MIER2: variants seen among roughly 807,000 people sequenced by gnomAD.
MIER2 encodes mesoderm induction early response protein 2.
MIER2 carries 30 observed loss-of-function variants against 67.6 expected under a neutral mutation model. The ratio of observed to expected loss-of-function variants is 0.44; its 90% CI spans 0.33 to 0.60. The LOEUF (loss-of-function observed/expected upper bound fraction) is 0.60, where lower values mean the gene tolerates loss of function less well. Among genes scored for constraint, MIER2 ranks in the 20% least tolerant of loss-of-function variants. MIER2 has a pLI of 0.02. For missense variants in MIER2, 702 were observed against 745.1 expected, an observed-to-expected ratio of 0.94 and a Z score of 0.67; for synonymous variants, 372 against 312.6, an observed-to-expected ratio of 1.19 and a Z score of -2.00.
Position 344,646 on chromosome 19 carries a change from C to T in MIER2, c.9+128G>A, listed in dbSNP as rs1265284055. On this transcript the variant is annotated intron_variant, in intron 1 of 13. Transcript: ENST00000264819. ...CTCCGGCCCCGGACGGGCCAGGCGC[C>T]CCGGCCGGCCTCAGAGCTCCAGAGC... The T allele has an allele frequency of 1.0e-5, 6 of 578,856 alleles. No individual in the cohort carries two copies. The South Asian group carries it at 4.6e-4, about 44-fold the overall frequency. The allele number at this position is 578,856 out of a possible 1,614,324, so 35.9% of individuals were successfully genotyped here. A position where few individuals can be genotyped will look rare whatever the true frequency, so the allele number is the denominator to read the frequency against.
chr19:318,368 G>C (rs147040989), intron 7 of MIER2, among the ~76,000 whole-genome samples: 6 of 152,272 alleles, frequency 3.9e-5, no homozygotes, highest in African/African-American at 1.4e-4. Flanking sequence ...ACTACAGAGA[G>C]ACACGTCACA....
intron 10 of MIER2, 141 bp downstream of exon 10, chr19:311,704 A>T (rs1453829558): frequency 1.4e-6 from 1 of 716,028 alleles, no homozygotes; most frequent in Non-Finnish European, 2.3e-6. Context: ...TGCAGAAGAC[A>T]GCAATGGGCA....
At chr19:328,128 T>C in intron 3 of MIER2, 139 bp from the exon 4 acceptor site, 1 of 1,195,336 alleles carries the variant, frequency 8.4e-7, no homozygotes, top group Non-Finnish European at 1.1e-6. Flanking sequence ...ATGGCAGCAC[T>C]CCCCAGCCAG....
At chr19:321,656 T>C (rs1303173183) in intron 7 of MIER2, among the ~76,000 whole-genome samples, 1 of 151,894 alleles carries the variant, frequency 6.6e-6, no homozygotes, top group Non-Finnish European at 1.5e-5. Flanking sequence ...AAAAAAAAGA[T>C]TAAAACTTGT....
chr19:327,331 G>A, intron 4 of MIER2, 75 bp from the exon 5 acceptor site: 1 of 1,509,640 alleles, frequency 6.6e-7, no homozygotes, highest in African/African-American at 1.4e-5. Flanking sequence ...GATAACAACA[G>A]TAAAGACACT....
chr19:334,887 C>T (rs1972171261), intron 2 of MIER2, among the ~76,000 whole-genome samples: 1 of 152,188 alleles, frequency 6.6e-6, no homozygotes, highest in Non-Finnish European at 1.5e-5. Context: ...AGCAGCAGGA[C>T]TCAGTCGAGG....
intron 1 of MIER2, 29 bp from the exon 2 acceptor site, chr19:336,202 C>T (rs946721760): frequency 4.4e-6 from 7 of 1,592,320 alleles, no homozygotes; most frequent in Admixed American, 3.4e-5. Flanking sequence ...AGGGTTAGCT[C>T]GGCCGGCCCA....
At chr19:326,388 G>C (rs1479137623) in intron 6 of MIER2, 119 bp downstream of exon 6, 15 of 855,310 alleles carry the variant, frequency 1.8e-5, no homozygotes, top group Non-Finnish European at 3.0e-5. Flanking sequence ...GGACACGGCA[G>C]AGCCACGGCC....
rs750922925 is a variant in MIER2, at chr19:325,698, TGATCTCCTGCAA to T, written c.586-6_591del. 1 of 1,614,040 alleles carries T rather than the reference TGATCTCCTGCAA, an allele frequency of 6.2e-7. No individual in the cohort carries two copies. The highest frequency in any genetic ancestry group is 8.5e-7 in the Non-Finnish European group (1 of 1,180,030). ...TCAGCTTGGAACTGAGGTCCCACCA[TGATCTCCTGCAA>T]AGCAAGCACCTGGGAATCAGGACAC... On this transcript the variant is annotated splice_acceptor_variant and splice_polypyrimidine_tract_variant and coding_sequence_variant and intron_variant, in exon 7 of 14. Transcript: ENST00000264819. LOFTEE classifies it high-confidence loss of function.
Position 316,446 on chromosome 19 carries a change from C to T in MIER2, c.656-2803G>A, listed in dbSNP as rs368124697. ...TAGCTGGGACTACAGGTGCCCACCACGCCTGGCTAATTTTTGTATTTTTAG... is the reference window on the plus strand; with the variant it reads ...TAGCTGGGACTACAGGTGCCCACCATGCCTGGCTAATTTTTGTATTTTTAG... On this transcript the variant is annotated intron_variant, in intron 7 of 13. Coordinates refer to ENST00000264819, the MANE Select transcript of MIER2 (RefSeq NM_017550.3). 5.0e-3 allele frequency among the ~76,000 whole-genome samples: 758 copies of T among 152,172 alleles called. 4 individuals carry two copies. The highest frequency in any genetic ancestry group is 0.014 in the Middle Eastern group (4 of 294).
intron 3 of MIER2, among the ~76,000 whole-genome samples, chr19:332,264 A>G (rs1972061939): frequency 6.6e-6 from 1 of 151,860 alleles, no homozygotes. Flanking sequence ...ATCTCAGCTC[A>G]TTTTAAAATG....
chr19:344,549 C>G (rs1243331266), intron 1 of MIER2: 1 of 289,092 alleles, frequency 3.5e-6, no homozygotes, highest in Non-Finnish European at 5.0e-6. Context: ...CACTGCAGCC[C>G]GCGATGTGGC....
At chr19:341,355 G>T (rs1400871034) in intron 1 of MIER2, among the ~76,000 whole-genome samples, 2 of 152,146 alleles carry the variant, frequency 1.3e-5, no homozygotes, top group African/African-American at 4.8e-5. Flanking sequence ...AGGAGAGGTG[G>T]TCTGCAGGGT....
intron 6 of MIER2, 88 bp from the exon 7 acceptor site, chr19:325,792 G>T: frequency 7.0e-7 from 1 of 1,435,452 alleles, no homozygotes; most frequent in Non-Finnish European, 9.8e-7. Context: ...GCAGGCTTAC[G>T]GGGAGGGGCC....
chr19:338,396 G>A (rs1407283165), intron 1 of MIER2, among the ~76,000 whole-genome samples: 9 of 149,670 alleles, frequency 6.0e-5, no homozygotes, highest in Non-Finnish European at 1.3e-4. Flanking sequence ...AGTGTGAAAT[G>A]TGTACAGTAC....
chr19:323,098 C>T (rs4897851), intron 7 of MIER2, among the ~76,000 whole-genome samples: 6 of 151,626 alleles, frequency 4.0e-5, no homozygotes, highest in Non-Finnish European at 5.9e-5. Flanking sequence ...CACACAACCA[C>T]GCAGACGACT....
Position 311,904 on chromosome 19 carries a change from T to C in MIER2, c.925A>G (p.Asn309Asp). The C allele has an allele frequency of 6.2e-7, 1 of 1,614,012 alleles. No homozygotes were observed. The highest frequency in any genetic ancestry group is 8.5e-7 in the Non-Finnish European group (1 of 1,179,964). Residue 309 changes from asparagine (N) to aspartate (D), a missense_variant, in exon 10 of 14, where the codon AAC (asparagine) becomes GAC (aspartate). This residue lies in a region of MIER2 where 128 missense variants were observed against 189.7 expected (regional missense o/e 0.67). Coordinates refer to ENST00000264819, the MANE Select transcript of MIER2 (RefSeq NM_017550.3). ...LCAWSEEECR[N>D]FEHGFRVHGK... ...TGCACACGGAAGCCGTGCTCAAAGT[T>C]CCTGCACTCCTCTTCACTCCAAGCA...
intron 12 of MIER2, among the ~76,000 whole-genome samples, chr19:307,813 C>T (rs180803468): frequency 1.2e-3 from 174 of 150,894 alleles, no homozygotes; most frequent in African/African-American, 4.1e-3. Flanking sequence ...TAAACAATGC[C>T]GGGGGCACTG....
At chr19:338,968 GGATA>G (rs1972382550) in intron 1 of MIER2, among the ~76,000 whole-genome samples, 1 of 151,752 alleles carries the variant, frequency 6.6e-6, no homozygotes, top group African/African-American at 2.4e-5. Flanking sequence ...GAAAATATAT[GGATA>G]AATATTTGTA....
Sources: gnomAD v4.1 joint callset for allele counts (sites outside exome capture counted in the v4.1 genomes callset) on GRCh38, gnomAD v4.1.1 for gene constraint, gnomAD v4.1.1 regional missense constraint, MANE v1.5 for transcripts, NCBI Gene and HGNC (gene_info 2026-07-23, HGNC 2026-07-21) for gene names.